The following SCARA5 variants were observed in gnomAD, a reference collection of about 807,000 sequenced individuals.
SCARA5 encodes scavenger receptor class A, member 5 (putative).
In SCARA5, 45 loss-of-function variants were observed where a neutral mutation model predicts 46.3. The ratio of observed to expected loss-of-function variants is 0.97; its 90% CI spans 0.76 to 1.24. SCARA5 has a LOEUF of 1.24. SCARA5 is among the 50% of genes most tolerant of loss of function. The pLI is 0.00. For synonymous variants in SCARA5, 333 were observed against 306.5 expected (o/e 1.09, Z -0.90); for missense variants, 680 against 689.0 (o/e 0.99, Z 0.15).
At chr8:27,946,012 A>C (rs1239411849) in intron 3 of SCARA5, among the ~76,000 whole-genome samples, 1 of 152,246 alleles carries the variant, frequency 6.6e-6, no homozygotes, top group Non-Finnish European at 1.5e-5. Flanking sequence ...TAGCCATAAA[A>C]ATGTTCACAT....
chr8:27,967,204 T>C (rs1808382774), intron 2 of SCARA5, among the ~76,000 whole-genome samples: 1 of 152,260 alleles, frequency 6.6e-6, no homozygotes, highest in African/African-American at 2.4e-5. Context: ...GAAAACATGG[T>C]AACCTCATCC....
intron 4 of SCARA5, among the ~76,000 whole-genome samples, chr8:27,913,421 T>A (rs1446638409): frequency 1.3e-5 from 2 of 152,206 alleles, no homozygotes; most frequent in Non-Finnish European, 2.9e-5. Flanking sequence ...ATCTCAGGAT[T>A]TGACTTTTTA....
intron 8 of SCARA5, 51 bp downstream of exon 8, chr8:27,879,518 C>T (rs778950621): frequency 6.4e-7 from 1 of 1,563,184 alleles, no homozygotes; most frequent in Non-Finnish European, 8.7e-7. Context: ...GAGCCCAGTC[C>T]TAGGATGTGC....
chr8:27,921,451 G>C, intron 4 of SCARA5, 120 bp downstream of exon 4: 1 of 812,028 alleles, frequency 1.2e-6, no homozygotes, highest in Non-Finnish European at 1.9e-6. Context: ...GCTGGGAATG[G>C]CAAGTGCACT....
At chr8:27,874,503 G>A (rs1806692391) in intron 8 of SCARA5, among the ~76,000 whole-genome samples, 3 of 152,208 alleles carry the variant, frequency 2.0e-5, no homozygotes, top group Admixed American at 2.0e-4. Flanking sequence ...TTGGAACACA[G>A]CCCCACCCAT....
chr8:27,879,852 G>T, intron 7 of SCARA5, 86 bp from the exon 8 acceptor site: 1 of 1,340,690 alleles, frequency 7.5e-7, no homozygotes, highest in East Asian at 2.5e-5. Context: ...GCCTACCCCT[G>T]GGTAGGAGGA....
chr8:27,931,321 G>A (rs1368918381), intron 3 of SCARA5, among the ~76,000 whole-genome samples: 4 of 152,164 alleles, frequency 2.6e-5, no homozygotes, highest in African/African-American at 4.8e-5. Flanking sequence ...CTCTGAATTT[G>A]TGTTTTCTCA....
At chr8:27,891,439 C>T (rs554598713) in intron 7 of SCARA5, among the ~76,000 whole-genome samples, 1 of 152,230 alleles carries the variant, frequency 6.6e-6, no homozygotes, top group South Asian at 2.1e-4. Flanking sequence ...CTCTTGACCT[C>T]GTGATCTGCC....
chr8:27,951,026 C>T (rs187538961), intron 3 of SCARA5, among the ~76,000 whole-genome samples: 2 of 152,256 alleles, frequency 1.3e-5, no homozygotes, highest in East Asian at 1.9e-4. Flanking sequence ...AGGGTCTCCA[C>T]GTTACTCAGA....
intron 3 of SCARA5, among the ~76,000 whole-genome samples, chr8:27,954,248 A>G (rs773520827): frequency 8.6e-5 from 13 of 151,764 alleles, no homozygotes; most frequent in Middle Eastern, 3.2e-3. Context: ...AGGGCAGTCA[A>G]CACCATGCTG....
intron 6 of SCARA5, 130 bp downstream of exon 6, chr8:27,907,018 A>C (rs2129759426): frequency 1.7e-6 from 1 of 572,328 alleles, no homozygotes; most frequent in East Asian, 3.0e-5. Context: ...AACAAGATGA[A>C]GAGACTTGTA....
chr8:27,973,996 G>A (rs779002957), intron 2 of SCARA5, among the ~76,000 whole-genome samples: 1 of 152,170 alleles, frequency 6.6e-6, no homozygotes, highest in Non-Finnish European at 1.5e-5. Context: ...GGGGTAGGGA[G>A]ATGTTTGGCA....
At chr8:27,961,543 C>A (rs933811748) in intron 3 of SCARA5, among the ~76,000 whole-genome samples, 2 of 152,152 alleles carry the variant, frequency 1.3e-5, no homozygotes, top group Admixed American at 1.3e-4. Flanking sequence ...GCAAAACAGA[C>A]TAATATAGGG....
intron 7 of SCARA5, chr8:27,904,489 G>A: frequency 1.9e-6 from 1 of 536,026 alleles, no homozygotes; most frequent in Non-Finnish European, 3.3e-6. Flanking sequence ...AGAACACTGA[G>A]GCACAGAGAT....
At chr8:27,948,495 G>GCTGTTCCA (rs1808071571) in intron 3 of SCARA5, among the ~76,000 whole-genome samples, 1 of 152,238 alleles carries the variant, frequency 6.6e-6, no homozygotes, top group African/African-American at 2.4e-5. Context: ...CTGGGGCTGG[G>GCTGTTCCA]CCGTTCCACC....
chr8:27,957,980 G>A (rs1808231506), intron 3 of SCARA5, among the ~76,000 whole-genome samples: 1 of 152,140 alleles, frequency 6.6e-6, no homozygotes, highest in Admixed American at 6.5e-5. Context: ...CAGCCAAGCA[G>A]TACACAAATG....
intron 8 of SCARA5, 118 bp from the exon 9 acceptor site, chr8:27,872,188 T>C: frequency 9.6e-7 from 1 of 1,037,520 alleles, no homozygotes. Flanking sequence ...ACCTAGGGGC[T>C]TCCAGCTGCC....
At chr8:27,900,390 C>T (rs1040779581) in intron 7 of SCARA5, among the ~76,000 whole-genome samples, 2 of 152,182 alleles carry the variant, frequency 1.3e-5, no homozygotes, top group African/African-American at 4.8e-5. Flanking sequence ...TAGAAACTTC[C>T]TCCTCTGATT....
intron 8 of SCARA5, among the ~76,000 whole-genome samples, chr8:27,874,724 C>T (rs1395502356): frequency 2.0e-5 from 3 of 152,192 alleles, no homozygotes; most frequent in South Asian, 2.1e-4. Context: ...AATAATTAGA[C>T]GTGAACGCTC....
Sources: gnomAD v4.1 joint callset for allele counts (sites outside exome capture counted in the v4.1 genomes callset) on GRCh38, gnomAD v4.1.1 for gene constraint, MANE v1.5 for transcripts, NCBI Gene and HGNC (gene_info 2026-07-23, HGNC 2026-07-21) for gene names.